Variants in CENPP observed in about 807,000 individuals in gnomAD.
CENPP encodes centromere protein P.
A neutral mutation model predicts 35.6 loss-of-function variants in CENPP; 24 were observed. That is an observed-to-expected ratio of 0.67 (90% CI 0.49 to 0.95). CENPP has a LOEUF of 0.95. Among genes scored for constraint, CENPP ranks in the 40% least tolerant of loss-of-function variants. CENPP has a pLI of 0.00. For synonymous variants in CENPP, 120 were observed against 125.5 expected, an observed-to-expected ratio of 0.96 and a Z score of 0.29; for missense variants, 332 against 345.3, an observed-to-expected ratio of 0.96 and a Z score of 0.31.
intron 5 of CENPP, among the ~76,000 whole-genome samples, chr9:92,484,377 G>T (rs544908717): frequency 2.0e-5 from 3 of 152,030 alleles, no homozygotes; most frequent in Non-Finnish European, 4.4e-5. Flanking sequence ...ATTCTCTTTT[G>T]CATCTGGCTT....
At chr9:92,468,897 A>G (rs1482172368) in intron 5 of CENPP, among the ~76,000 whole-genome samples, 1 of 152,220 alleles carries the variant, frequency 6.6e-6, no homozygotes, top group Non-Finnish European at 1.5e-5. Flanking sequence ...CCTGTGAATA[A>G]CAAGAATAAG....
Position 92,618,490 on chromosome 9 carries a change from A to G in CENPP, c.*5341A>G, listed in dbSNP as rs753037112. ...CACAGCCCACCTAAGGGCACCCTGC[A>G]TCCAAGCACATTTCCATTGCCCAGC... On this transcript the variant is annotated 3_prime_UTR_variant, in exon 8 of 8. Transcript: ENST00000375587. 6.6e-6 allele frequency: 3 copies of G among 456,554 alleles called. No individual in the cohort carries two copies. Among genetic ancestry groups the G allele is most frequent in the African/African-American group, 4.0e-5 (2 of 50,048 alleles). 28.3% of individuals were successfully genotyped at this position (456,554 alleles called of 1,614,324 possible).
intron 5 of CENPP, among the ~76,000 whole-genome samples, chr9:92,392,352 G>T (rs552002012): frequency 2.0e-5 from 3 of 152,304 alleles, no homozygotes; most frequent in African/African-American, 7.2e-5. Context: ...TGCCGGGCAT[G>T]GTGGCTCACG....
intron 4 of CENPP, among the ~76,000 whole-genome samples, chr9:92,360,339 C>T (rs1841713994): frequency 6.6e-6 from 1 of 152,134 alleles, no homozygotes; most frequent in Non-Finnish European, 1.5e-5. Context: ...ATTATATTCA[C>T]ATGTATGTGC....
intron 5 of CENPP, chr9:92,385,780 A>G (rs1165439202): frequency 1.2e-6 from 2 of 1,613,936 alleles, no homozygotes; most frequent in South Asian, 1.1e-5. Context: ...AATTGAAGCT[A>G]TGTTGTTGAA....
At chr9:92,544,105 T>C (rs2131313334) in intron 5 of CENPP, among the ~76,000 whole-genome samples, 1 of 152,388 alleles carries the variant, frequency 6.6e-6, no homozygotes, top group African/African-American at 2.4e-5. Context: ...CACTGTTGTC[T>C]TATTCCTGAT....
At chr9:92,406,907 T>G (rs1843322401) in intron 5 of CENPP, among the ~76,000 whole-genome samples, 1 of 152,126 alleles carries the variant, frequency 6.6e-6, no homozygotes, top group Non-Finnish European at 1.5e-5. Flanking sequence ...CAACAGCAAT[T>G]TCAGGAGATT....
At chr9:92,505,674 G>A in intron 5 of CENPP, 2 of 1,585,206 alleles carry the variant, frequency 1.3e-6, no homozygotes, top group Non-Finnish European at 1.7e-6. Flanking sequence ...ATTCTAAGGT[G>A]ACCAACTGAT....
At chr9:92,408,678 G>A (rs138441499) in intron 5 of CENPP, among the ~76,000 whole-genome samples, 164 of 152,084 alleles carry the variant, frequency 1.1e-3, no homozygotes, top group Middle Eastern at 6.8e-3. Context: ...TGCACTTTAG[G>A]ATGTTTAGCA....
chr9:92,409,365 C>A (rs1843386008), intron 5 of CENPP, among the ~76,000 whole-genome samples: 1 of 152,188 alleles, frequency 6.6e-6, no homozygotes, highest in Non-Finnish European at 1.5e-5. Context: ...TCCTTGGGGA[C>A]ATATGAATTC....
chr9:92,618,167 AG>A lies in CENPP; in HGVS notation c.*5020del, dbSNP rs1851503156. On this transcript the variant is annotated 3_prime_UTR_variant, in exon 8 of 8. Transcript: ENST00000375587. ...CCAGCCCCACACGCCATGTTCTCGGAGGAGAAGCCTTCTCTGAGATCCTCTC... is the reference window on the plus strand; with the variant it reads ...CCAGCCCCACACGCCATGTTCTCGGAGAGAAGCCTTCTCTGAGATCCTCTC... 6.6e-6 allele frequency: 3 copies of A among 451,842 alleles called. No individual in the cohort carries two copies. The highest frequency in any genetic ancestry group is 6.0e-5 in the African/African-American group (3 of 49,884). 28.0% of individuals were successfully genotyped at this position (451,842 alleles called of 1,614,324 possible). A position where few individuals can be genotyped will look rare whatever the true frequency, so the allele number is the denominator to read the frequency against.
chr9:92,619,449 T>C lies in CENPP; in HGVS notation c.*6300T>C, dbSNP rs1266163849. The C allele has an allele frequency of 2.0e-6, 3 of 1,522,762 alleles. No individual in the cohort carries two copies. The South Asian group carries it at 3.6e-5, about 18-fold the overall frequency. 94.3% of individuals were successfully genotyped at this position (1,522,762 alleles called of 1,614,324 possible). On this transcript the variant is annotated 3_prime_UTR_variant, in exon 8 of 8. Coordinates refer to ENST00000375587, the MANE Select transcript of CENPP (RefSeq NM_001012267.3). ...TCACCAACTGTCCATAAAACCCCGT[T>C]AGACCCAGGCTGCATGCCTTGCAGT...
At position 92,497,634 on chromosome 9, in the gene CENPP, AAAAG is replaced by A. The variant is rs945396934; in HGVS notation, c.565-113668_565-113665del. On this transcript the variant is annotated intron_variant, in intron 5 of 7. Coordinates refer to ENST00000375587, the MANE Select transcript of CENPP (RefSeq NM_001012267.3). ...AGCAAAACTCTGTCTCAAAAAAAAAAAAAGAAAGAAAGAAAAAAGAAAAAAAGGG... is the reference window on the plus strand; with the variant it reads ...AGCAAAACTCTGTCTCAAAAAAAAAAAAAGAAAGAAAAAAGAAAAAAAGGG... 3.6e-4 allele frequency among the ~76,000 whole-genome samples: 54 copies of A among 151,924 alleles called. No homozygotes were observed. The South Asian group carries it at 9.3e-3, about 26-fold the overall frequency.
chr9:92,402,499 T>C (rs1020682917), intron 5 of CENPP, among the ~76,000 whole-genome samples: 16 of 152,214 alleles, frequency 1.1e-4, no homozygotes, highest in African/African-American at 3.6e-4. Context: ...GGGCAACAGA[T>C]ACTTAAGTGC....
chr9:92,602,993 G>T (rs191981956), intron 5 of CENPP, among the ~76,000 whole-genome samples: 2 of 152,290 alleles, frequency 1.3e-5, no homozygotes, highest in East Asian at 3.9e-4. Context: ...GTTTCACCAT[G>T]TTGGATAGGG....
intron 5 of CENPP, among the ~76,000 whole-genome samples, chr9:92,391,844 T>A (rs1187022521): frequency 1.3e-5 from 2 of 152,178 alleles, no homozygotes; most frequent in Non-Finnish European, 2.9e-5. Context: ...CAATGTGTAT[T>A]AATTTTGGGG....
intron 5 of CENPP, among the ~76,000 whole-genome samples, chr9:92,584,394 G>A (rs542507643): frequency 6.6e-6 from 1 of 152,288 alleles, no homozygotes; most frequent in Admixed American, 6.5e-5. Flanking sequence ...TATCACCCAG[G>A]CTAGAGTGTA....
chr9:92,334,114 G>C lies in CENPP; in HGVS notation c.289+1763G>C, dbSNP rs554658517. Among the ~76,000 whole-genome samples, 9 of 145,576 alleles carry C rather than the reference G, an allele frequency of 6.2e-5. No individual in the cohort carries two copies. The East Asian group carries it at 1.4e-3, about 23-fold the overall frequency. ...ATTAAGTGTTACTGCAAAGTAATGA[G>C]AGTAGGGTTTTTTTTTTTTTTTTTG... is the stretch of plus-strand genomic sequence containing the variant. On this transcript the variant is annotated intron_variant, in intron 2 of 7. Transcript: ENST00000375587.
intron 5 of CENPP, among the ~76,000 whole-genome samples, chr9:92,532,015 G>GTTTTTTTTTTTTTGTTT (rs71362397): frequency 1.0e-5 from 1 of 95,736 alleles, no homozygotes; most frequent in Non-Finnish European, 1.9e-5. Context: ...TTTATTTAAT[G>GTTTTTTTTTTTTTGTTT]TTTTTTTTTT....
Sources: allele counts gnomAD v4.1 joint callset (sites outside exome capture counted in the v4.1 genomes callset), GRCh38; gene constraint gnomAD v4.1.1; transcripts MANE v1.5; gene names NCBI Gene and HGNC (gene_info 2026-07-23, HGNC 2026-07-21).